The following TAFA5 variants were observed in gnomAD, a reference collection of about 807,000 sequenced individuals.
The protein encoded by TAFA5 is chemokine-like protein TAFA-5.
Under a neutral mutation model 15.3 loss-of-function variants are expected in TAFA5, and 6 were observed. That is an observed-to-expected ratio of 0.39 (90% CI 0.21 to 0.77). TAFA5 has a LOEUF of 0.77. Ranked by LOEUF, TAFA5 falls within the 30% of genes least tolerant of loss-of-function variation. The pLI is 0.41. For missense variants in TAFA5, 161 were observed against 193.1 expected (o/e 0.83, Z 0.98); for synonymous variants, 103 against 80.7 (o/e 1.28, Z -1.48).
chr22:48,611,123 C>T (rs1399175983), intron 1 of TAFA5, among the ~76,000 whole-genome samples: 1 of 152,098 alleles, frequency 6.6e-6, no homozygotes. Context: ...TCAGTAGAGA[C>T]GGGGTTTCAC....
Position 48,578,264 on chromosome 22 carries a change from G to A in TAFA5, c.113-68333G>A, listed in dbSNP as rs1230917393. On this transcript the variant is annotated intron_variant, in intron 1 of 3. Coordinates refer to ENST00000402357, the MANE Select transcript of TAFA5 (RefSeq NM_001082967.3). The stretch of plus-strand genomic sequence containing the variant: ...AGTTCCACTGACTTTGAAGCTGTGA[G>A]TTAGTAACGGGAGAAGCTCCTGGCC... 2.0e-5 allele frequency among the ~76,000 whole-genome samples: 3 copies of A among 152,256 alleles called. 1 individual carries two copies. Among genetic ancestry groups the A allele is most frequent in the Middle Eastern group, 6.3e-3 (2 of 316 alleles).
At chr22:48,501,485 C>A (rs1018050378) in intron 1 of TAFA5, among the ~76,000 whole-genome samples, 1 of 152,218 alleles carries the variant, frequency 6.6e-6, no homozygotes, top group African/African-American at 2.4e-5. Flanking sequence ...TCCTGGACGC[C>A]TTCCTGGTCC....
chr22:48,562,643 C>G (rs1923278034), intron 1 of TAFA5, among the ~76,000 whole-genome samples: 1 of 152,200 alleles, frequency 6.6e-6, no homozygotes, highest in South Asian at 2.1e-4. Flanking sequence ...CTCCAAGGCC[C>G]TCGGGACTCC....
chr22:48,586,158 G>A (rs1476970790), intron 1 of TAFA5, among the ~76,000 whole-genome samples: 2 of 152,272 alleles, frequency 1.3e-5, no homozygotes, highest in South Asian at 2.1e-4. Flanking sequence ...GCTGGGGCAA[G>A]TGTGGCCCAG....
chr22:48,655,947 C>T (rs1040157718), intron 2 of TAFA5, among the ~76,000 whole-genome samples: 2 of 142,394 alleles, frequency 1.4e-5, no homozygotes, highest in Non-Finnish European at 3.0e-5. Flanking sequence ...TCAAGCAATT[C>T]TCTGCCTCAG....
intron 3 of TAFA5, among the ~76,000 whole-genome samples, chr22:48,722,871 G>A (rs1929611242): frequency 6.6e-6 from 1 of 152,232 alleles, no homozygotes; most frequent in East Asian, 1.9e-4. Context: ...GTGAGCATAT[G>A]TAGAACTGGA....
chr22:48,540,299 G>A (rs990668294), intron 1 of TAFA5, among the ~76,000 whole-genome samples: 5 of 152,154 alleles, frequency 3.3e-5, no homozygotes, highest in Non-Finnish European at 5.9e-5. Flanking sequence ...GGACCAGGGC[G>A]GTGGGGGGAG....
At chr22:48,613,306 C>T (rs561150514) in intron 1 of TAFA5, among the ~76,000 whole-genome samples, 1 of 152,264 alleles carries the variant, frequency 6.6e-6, no homozygotes, top group South Asian at 2.1e-4. Context: ...CCGTCCCTAG[C>T]ACAGGCCCCT....
chr22:48,562,341 C>T (rs538444422), intron 1 of TAFA5, among the ~76,000 whole-genome samples: 24 of 152,238 alleles, frequency 1.6e-4, no homozygotes, highest in South Asian at 8.3e-4. Flanking sequence ...GGTTTCACCG[C>T]ATTAGCCAGG....
chr22:48,631,720 G>A (rs1186264654), intron 1 of TAFA5, among the ~76,000 whole-genome samples: 8 of 152,216 alleles, frequency 5.3e-5, no homozygotes, highest in African/African-American at 1.7e-4. Flanking sequence ...TGGATCTCAC[G>A]TTGAGAGGAC....
intron 3 of TAFA5, among the ~76,000 whole-genome samples, chr22:48,730,255 G>A (rs780348421): frequency 4.6e-5 from 7 of 152,104 alleles, no homozygotes; most frequent in Admixed American, 3.9e-4. Flanking sequence ...ATGGTGGCAC[G>A]TGCCTATAGT....
intron 3 of TAFA5, 116 bp from the exon 4 acceptor site, chr22:48,749,723 C>A: frequency 8.6e-7 from 1 of 1,166,712 alleles, no homozygotes; most frequent in Non-Finnish European, 1.2e-6. Context: ...CTCTTCGTTT[C>A]AGGCCCTCCA....
chr22:48,581,556 G>A (rs984377654), intron 1 of TAFA5, among the ~76,000 whole-genome samples: 1 of 152,232 alleles, frequency 6.6e-6, no homozygotes, highest in African/African-American at 2.4e-5. Context: ...AGGGGCCACT[G>A]GCGAGGCCGT....
chr22:48,518,962 G>A (rs141055351), intron 1 of TAFA5, among the ~76,000 whole-genome samples: 116 of 152,222 alleles, frequency 7.6e-4, no homozygotes, highest in African/African-American at 2.0e-3. Flanking sequence ...TCACCTGTCC[G>A]TCAAGAGCTG....
At chr22:48,638,604 C>A (rs1926550345) in intron 1 of TAFA5, among the ~76,000 whole-genome samples, 1 of 132,362 alleles carries the variant, frequency 7.6e-6, no homozygotes, top group South Asian at 2.6e-4. Flanking sequence ...AGGCAATACC[C>A]CTCCCCTGAC....
At chr22:48,623,874 A>T (rs905986678) in intron 1 of TAFA5, among the ~76,000 whole-genome samples, 1 of 152,248 alleles carries the variant, frequency 6.6e-6, no homozygotes, top group African/African-American at 2.4e-5. Context: ...CTATGCACCT[A>T]CTTTTCACCT....
chr22:48,542,005 CG>C (rs1482780792), intron 1 of TAFA5, among the ~76,000 whole-genome samples: 1 of 152,144 alleles, frequency 6.6e-6, no homozygotes, highest in East Asian at 1.9e-4. Flanking sequence ...ATCAATCAGC[CG>C]CTGTGGTTCT....
chr22:48,709,129 T>A (rs1444507442), intron 3 of TAFA5, among the ~76,000 whole-genome samples: 1 of 152,132 alleles, frequency 6.6e-6, no homozygotes, highest in Admixed American at 6.5e-5. Context: ...AGACTCAGCC[T>A]CGCTGGCAGC....
intron 2 of TAFA5, among the ~76,000 whole-genome samples, chr22:48,647,221 C>T (rs1003413221): frequency 1.3e-5 from 2 of 152,176 alleles, no homozygotes; most frequent in Non-Finnish European, 2.9e-5. Flanking sequence ...GCAGCTCCGG[C>T]CCCCATGGGC....
Sources: gnomAD v4.1 joint callset for allele counts (sites outside exome capture counted in the v4.1 genomes callset) on GRCh38, gnomAD v4.1.1 for gene constraint, MANE v1.5 for transcripts, NCBI Gene and HGNC (gene_info 2026-07-23, HGNC 2026-07-21) for gene names.